The following PLCB4 variants were observed in gnomAD, a reference collection of about 807,000 sequenced individuals.
PLCB4 encodes the protein 1-phosphatidylinositol 4,5-bisphosphate phosphodiesterase beta-4.
A neutral mutation model predicts 178.8 loss-of-function variants in PLCB4; 77 were observed. The ratio of observed to expected loss-of-function variants is 0.43; its 90% CI spans 0.36 to 0.52. The LOEUF is 0.52. Ranked by LOEUF, PLCB4 falls within the 20% of genes least tolerant of loss-of-function variation. The pLI is 0.00. For synonymous variants in PLCB4, 496 were observed against 490.8 expected (o/e 1.01, Z -0.14); for missense variants, 1,024 against 1,453.4 (o/e 0.70, Z 4.80).
chr20:9,141,677 C>T (rs1197756413), intron 2 of PLCB4, among the ~76,000 whole-genome samples: 2 of 152,060 alleles, frequency 1.3e-5, no homozygotes, highest in Non-Finnish European at 2.9e-5. Flanking sequence ...GGTATATAAT[C>T]TTGAAATTTA....
chr20:9,090,732 G>A (rs973839258), intron 1 of PLCB4, among the ~76,000 whole-genome samples: 3 of 151,946 alleles, frequency 2.0e-5, no homozygotes, highest in African/African-American at 4.8e-5. Flanking sequence ...CAAATGTTTC[G>A]GGGGTGGTGA....
intron 3 of PLCB4, among the ~76,000 whole-genome samples, chr20:9,226,733 G>A (rs1345802449): frequency 6.6e-6 from 1 of 152,056 alleles, no homozygotes; most frequent in African/African-American, 2.4e-5. Flanking sequence ...CCTCTTCTGT[G>A]GGCTTCTGCT....
chr20:9,073,891 AT>A (rs61184875), intron 1 of PLCB4, among the ~76,000 whole-genome samples: 94,731 of 151,298 alleles, frequency 0.63, 29,852 homozygotes, highest in South Asian at 0.72. Context: ...CTATTAAAAA[AT>A]AATAATAAAA....
At chr20:9,360,662 C>T (rs1028589227) in intron 7 of PLCB4, among the ~76,000 whole-genome samples, 2 of 152,192 alleles carry the variant, frequency 1.3e-5, no homozygotes, top group Non-Finnish European at 2.9e-5. Flanking sequence ...ATTTGATAGT[C>T]TGCAGGGAGT....
chr20:9,473,661 G>C (rs7263735), intron 38 of PLCB4, among the ~76,000 whole-genome samples: 2,789 of 152,206 alleles, frequency 0.018, 73 homozygotes, highest in African/African-American at 0.064. Context: ...AAGAGATTAC[G>C]AAGTATTTCT....
chr20:9,441,998 A>G (rs1183028637), intron 30 of PLCB4, among the ~76,000 whole-genome samples: 1 of 152,106 alleles, frequency 6.6e-6, no homozygotes, highest in Non-Finnish European at 1.5e-5. Flanking sequence ...AAAACAAGTT[A>G]TTGTTAAGGA....
chr20:9,187,299 T>C (rs893006828), intron 2 of PLCB4, among the ~76,000 whole-genome samples: 3 of 152,118 alleles, frequency 2.0e-5, no homozygotes, highest in African/African-American at 7.2e-5. Context: ...AACACAGCCA[T>C]GCCTCCACCC....
intron 3 of PLCB4, among the ~76,000 whole-genome samples, chr20:9,223,608 G>C (rs537217640): frequency 1.3e-5 from 2 of 152,316 alleles, no homozygotes; most frequent in African/African-American, 4.8e-5. Context: ...TTCATGGGCA[G>C]CTTTATTCTC....
chr20:9,244,445 G>A (rs2094102638), intron 3 of PLCB4, among the ~76,000 whole-genome samples: 1 of 152,124 alleles, frequency 6.6e-6, no homozygotes. Flanking sequence ...GATCAATTAT[G>A]ACTAGTTACT....
chr20:9,268,623 A>G (rs150277692), intron 3 of PLCB4, among the ~76,000 whole-genome samples: 81 of 152,238 alleles, frequency 5.3e-4, no homozygotes, highest in African/African-American at 1.8e-3. Flanking sequence ...CTAGATAAAC[A>G]TCAGTGCCCT....
chr20:9,239,948 G>A (rs922994417), intron 3 of PLCB4, among the ~76,000 whole-genome samples: 1 of 152,206 alleles, frequency 6.6e-6, no homozygotes, highest in Non-Finnish European at 1.5e-5. Context: ...TCGCAAGTCT[G>A]CTCTTCCATC....
intron 30 of PLCB4, among the ~76,000 whole-genome samples, 185 bp from the exon 31 acceptor site, chr20:9,443,796 A>G (rs957474931): frequency 6.6e-6 from 1 of 152,058 alleles, no homozygotes; most frequent in African/African-American, 2.4e-5. Context: ...ACCTAAGTTA[A>G]GACATTCAAC....
intron 2 of PLCB4, among the ~76,000 whole-genome samples, chr20:9,177,815 G>A (rs1293240544): frequency 6.6e-6 from 1 of 152,098 alleles, no homozygotes; most frequent in African/African-American, 2.4e-5. Context: ...AAACTTTTAC[G>A]TATACCCTTT....
At chr20:9,171,792 T>A (rs1180583716) in intron 2 of PLCB4, among the ~76,000 whole-genome samples, 1 of 152,190 alleles carries the variant, frequency 6.6e-6, no homozygotes, top group East Asian at 1.9e-4. Context: ...TGTGCAGTTG[T>A]GTATTATGTA....
intron 3 of PLCB4, among the ~76,000 whole-genome samples, chr20:9,297,174 A>G (rs1055449509): frequency 6.6e-6 from 1 of 151,756 alleles, no homozygotes; most frequent in Non-Finnish European, 1.5e-5. Context: ...CCCACACCAT[A>G]TATATATTTT....
At chr20:9,428,206 C>T (rs908738022) in intron 28 of PLCB4, among the ~76,000 whole-genome samples, 1 of 152,134 alleles carries the variant, frequency 6.6e-6, no homozygotes, top group South Asian at 2.1e-4. Flanking sequence ...TAAACTTGTT[C>T]CATCTGTCCT....
At chr20:9,472,670 A>G in intron 36 of PLCB4, 120 bp from the exon 37 acceptor site, 1 of 542,826 alleles carries the variant, frequency 1.8e-6, no homozygotes, top group Non-Finnish European at 3.2e-6. Flanking sequence ...AATAACAATT[A>G]GAAAAATAAA....
chr20:9,083,603 C>G (rs921375178), intron 1 of PLCB4, among the ~76,000 whole-genome samples: 1 of 152,176 alleles, frequency 6.6e-6, no homozygotes, highest in Admixed American at 6.5e-5. Flanking sequence ...TTCATTCTCT[C>G]AGCAATTCTG....
intron 39 of PLCB4, among the ~76,000 whole-genome samples, chr20:9,477,986 TG>T (rs2044663748): frequency 6.6e-6 from 1 of 152,100 alleles, no homozygotes. Context: ...CATAGGTCCA[TG>T]TTTCTATTTT....
Sources: allele counts gnomAD v4.1 joint callset (sites outside exome capture counted in the v4.1 genomes callset), GRCh38; gene constraint gnomAD v4.1.1; transcripts MANE v1.5; gene names NCBI Gene and HGNC (gene_info 2026-07-23, HGNC 2026-07-21).